OLFM1: variants seen among roughly 807,000 people sequenced by gnomAD.
OLFM1 encodes olfactomedin 1.
Under a neutral mutation model 49.7 loss-of-function variants are expected in OLFM1, and 9 were observed. That is an observed-to-expected ratio of 0.18 (90% confidence interval 0.11 to 0.32). OLFM1 has a LOEUF of 0.32. OLFM1 is among the 10% of genes least tolerant of loss of function. The pLI is 1.00. For missense variants in OLFM1, 369 were observed against 661.8 expected (o/e 0.56, Z 4.85); for synonymous variants, 240 against 271.8 (o/e 0.88, Z 1.15).
At chr9:135,076,995 C>T in intron 1 of OLFM1, 1 of 1,550,600 alleles carries the variant, frequency 6.4e-7, no homozygotes, top group Non-Finnish European at 8.7e-7. Context: ...TCCCGCTTAC[C>T]CTCAGAGCCC....
At chr9:135,092,820 G>A (rs571056294) in intron 2 of OLFM1, among the ~76,000 whole-genome samples, 49 of 152,234 alleles carry the variant, frequency 3.2e-4, no homozygotes, top group Non-Finnish European at 1.9e-4. Context: ...GAGGGCATGA[G>A]CCATTTGCTA....
At chr9:135,109,904 T>C in intron 5 of OLFM1, among the ~76,000 whole-genome samples, 1 of 152,128 alleles carries the variant, frequency 6.6e-6, no homozygotes, top group East Asian at 1.9e-4. Flanking sequence ...CTGAGCCAGC[T>C]TCAGGGCCTT....
Position 135,119,754 on chromosome 9 carries a change from ACCACTACGCCTGGGGTGG to A in OLFM1, c.1040_1057del (p.Tyr347_His352del). The A allele has an allele frequency of 6.2e-7, 1 of 1,614,040 alleles. No individual in the cohort carries two copies. The highest frequency in any genetic ancestry group is 8.5e-7 in the Non-Finnish European group (1 of 1,180,026). ...GACTATGCCGGTTACAACAACATGT[ACCACTACGCCTGGGGTGG>A]CCACTCGGACATCGACCTCATGGTG... is the stretch of plus-strand genomic sequence containing the variant. On this transcript the variant is annotated inframe_deletion, in exon 6 of 6. Coordinates refer to ENST00000371793, the MANE Select transcript of OLFM1 (RefSeq NM_001282611.2).
chr9:135,089,093 T>G (rs1040216851), intron 1 of OLFM1, among the ~76,000 whole-genome samples: 4 of 152,182 alleles, frequency 2.6e-5, no homozygotes, highest in Admixed American at 6.5e-5. Context: ...AGGGGTTTAG[T>G]GCCCTGCGAA....
Position 135,080,323 on chromosome 9 carries a change from G to A in OLFM1, c.96+4521G>A, listed in dbSNP as rs1209494122. On this transcript the variant is annotated intron_variant, in intron 1 of 5. Coordinates refer to the OLFM1 transcript ENST00000252854. This position sits in a 1 kb window ranked among gnomAD's most constrained non-coding sequence, Gnocchi z 4.5. ...CTGGGAGGATACAGTGTTTGTAGAA[G>A]GGGATGGAGTGCACGGGTAGGGGGA... Among the ~76,000 whole-genome samples, 1 of 152,100 alleles carries A rather than the reference G, an allele frequency of 6.6e-6. No homozygotes were observed. The highest frequency in any genetic ancestry group is 1.5e-5 in the Non-Finnish European group (1 of 68,036).
In OLFM1 at chr9:135,097,103, C is replaced by G. The variant is rs1369915733; in HGVS notation, c.456+1084C>G. Reference sequence around the variant, plus strand: ...CCCGACTAGAAACTGCTGGTGTACTCTGTCTCTGTCTTCCCGTCCTTTTTA... The same window carrying G: ...CCCGACTAGAAACTGCTGGTGTACTGTGTCTCTGTCTTCCCGTCCTTTTTA... On this transcript the variant is annotated intron_variant, in intron 3 of 5. Transcript: ENST00000371793. 2.6e-5 allele frequency among the ~76,000 whole-genome samples: 4 copies of G among 152,192 alleles called. No individual in the cohort carries two copies. In the East Asian group the frequency reaches 7.7e-4, roughly 29 times the overall value.
intron 5 of OLFM1, among the ~76,000 whole-genome samples, chr9:135,110,767 C>G (rs1831010531): frequency 6.6e-6 from 1 of 152,204 alleles, no homozygotes; most frequent in Non-Finnish European, 1.5e-5. Context: ...CCACCTCTTT[C>G]CCACCACCCA....
At chr9:135,087,540 A>G, upstream of OLFM1, 1 of 1,268,608 alleles carries the variant, frequency 7.9e-7, no homozygotes, top group Non-Finnish European at 1.0e-6. Flanking sequence ...CGCTGCCAGC[A>G]GCCAGGGGGC....
chr9:135,082,792 T>C (rs1462889615), upstream of OLFM1, among the ~76,000 whole-genome samples: 1 of 152,140 alleles, frequency 6.6e-6, no homozygotes, highest in East Asian at 1.9e-4. Context: ...AAACAGGAGA[T>C]TCTCCCAGGG....
intron 1 of OLFM1, chr9:135,076,803 C>A: frequency 6.5e-7 from 1 of 1,532,366 alleles, no homozygotes; most frequent in African/African-American, 1.4e-5. Flanking sequence ...CTTCCTCCAT[C>A]TCCCTCAGAA....
rs968939014 is a variant in OLFM1 at position 135,088,201 on chromosome 9, G to T, written c.150+62G>T. The T allele has an allele frequency of 8.2e-7, 1 of 1,226,754 alleles. No homozygotes were observed. Among genetic ancestry groups the T allele is most frequent in the Non-Finnish European group, 1.0e-6 (1 of 976,130 alleles). 76.0% of individuals were successfully genotyped at this position (1,226,754 alleles called of 1,614,324 possible). Reference sequence around the variant, plus strand: ...CCTCCTCCTCCTCCTCCCCCTCCTCGGTCCGGAGCCCCGGGCTGGGCGGGC... The same window carrying T: ...CCTCCTCCTCCTCCTCCCCCTCCTCTGTCCGGAGCCCCGGGCTGGGCGGGC... On this transcript the variant is annotated intron_variant, in intron 1 of 5. Transcript: ENST00000371793. This position sits in a 1 kb window ranked among gnomAD's most constrained non-coding sequence, Gnocchi z 4.8.
upstream of OLFM1, among the ~76,000 whole-genome samples, chr9:135,083,653 G>A (rs185255005): frequency 7.2e-5 from 11 of 152,318 alleles, no homozygotes; most frequent in Admixed American, 1.3e-4. Flanking sequence ...CAGGCCAGCC[G>A]TGCTCACAAA....
upstream of OLFM1, chr9:135,087,150 G>A (rs1384504213): frequency 8.8e-6 from 11 of 1,245,984 alleles, no homozygotes; most frequent in Non-Finnish European, 1.2e-5. Flanking sequence ...GCTCTCCACC[G>A]ATGCCCCGAC....
In OLFM1 at chr9:135,117,566, C is replaced by T. The variant is rs565546088; in HGVS notation, c.784-1938C>T. On this transcript the variant is annotated intron_variant, in intron 5 of 5. Coordinates refer to ENST00000371793, the MANE Select transcript of OLFM1 (RefSeq NM_001282611.2). The surrounding 1 kb of genome is among the most constrained non-coding windows in gnomAD (Gnocchi z 5.5). ...GCCTGGGGCTGTGAGCATTTGCCCT[C>T]GGCTAGGCCAGGTGGCTGTGCCCCT... Among the ~76,000 whole-genome samples, 3 of 152,330 alleles carry T rather than the reference C, an allele frequency of 2.0e-5. No individual in the cohort carries two copies. The highest frequency in any genetic ancestry group is 3.9e-4 in the East Asian group (2 of 5,176).
chr9:135,119,675 A>G lies in OLFM1; in HGVS notation c.955A>G (p.Ile319Val). ...CTACTTCAACAAGTTCCAGAGCCAC[A>G]TCATCATCAGGTTTGACCTGAAGAC... is the stretch of plus-strand genomic sequence containing the variant. ...SIYFNKFQSH[I>V]IIRFDLKTET... Residue 319 changes from isoleucine to valine, a missense_variant, in exon 6 of 6, where the codon ATC (isoleucine) becomes GTC (valine). Ile to Val is a conservative substitution (Grantham distance 29). This residue lies in a region of OLFM1 where 294 missense variants were observed against 567.5 expected (regional missense o/e 0.52). Transcript: ENST00000371793. 1.2e-6 allele frequency: 2 copies of G among 1,614,184 alleles called. No homozygotes were observed. The highest frequency in any genetic ancestry group is 1.7e-6 in the Non-Finnish European group (2 of 1,180,032).
intron 4 of OLFM1, among the ~76,000 whole-genome samples, chr9:135,102,485 C>T (rs78912003): frequency 6.6e-5 from 10 of 152,166 alleles, no homozygotes; most frequent in Admixed American, 1.3e-4. Context: ...GAGTGGGGCC[C>T]GGGCGGCCAG....
rs1222012665 is a variant in OLFM1, at chr9:135,098,352, G to A, written c.523G>A (p.Ala175Thr). The change falls in exon 4 of 6, where the codon GCC becomes ACC. Residue 175 changes from alanine to threonine, a missense_variant. Coordinates refer to ENST00000371793, the MANE Select transcript of OLFM1 (RefSeq NM_001282611.2). The surrounding 1 kb of genome is among the most constrained non-coding windows in gnomAD (Gnocchi z 5.6). ...TGTGTTGGAAGAGTACAAGGCCGAT[G>A]CCAAATTGGTATTGCAGTTTAAAGA... ...IPVLEEYKAD[A>T]KLVLQFKEEV... is the part of the protein sequence containing the mutation. 14 of 1,613,950 alleles carry A rather than the reference G, an allele frequency of 8.7e-6. No individual in the cohort carries two copies. Among genetic ancestry groups the A allele is most frequent in the Non-Finnish European group, 1.2e-5 (14 of 1,180,032 alleles).
chr9:135,099,602 A>G (rs1319657309), intron 4 of OLFM1, among the ~76,000 whole-genome samples: 2 of 152,210 alleles, frequency 1.3e-5, no homozygotes, highest in South Asian at 2.1e-4. Flanking sequence ...ACGCTCTTCT[A>G]GGTGTCCTCA....
chr9:135,098,214 G>A lies in OLFM1; in HGVS notation c.457-72G>A. The stretch of plus-strand genomic sequence containing the variant: ...ATACACACTTTCCCTCACCTAGGGA[G>A]AAGCCAGGCCAAGGCAGGGTGTGAG... On this transcript the variant is annotated intron_variant, in intron 3 of 5. Transcript: ENST00000371793. The surrounding 1 kb of genome is among the most constrained non-coding windows in gnomAD (Gnocchi z 5.6). 1 of 1,560,770 alleles carries A rather than the reference G, an allele frequency of 6.4e-7. No individual in the cohort carries two copies. Among genetic ancestry groups the A allele is most frequent in the South Asian group, 1.2e-5 (1 of 86,186 alleles).
Sources: gnomAD v4.1 joint callset for allele counts (sites outside exome capture counted in the v4.1 genomes callset) on GRCh38, gnomAD v4.1.1 for gene constraint, gnomAD v4.1.1 regional missense constraint, Gnocchi (gnomAD v3.1) non-coding constraint, MANE v1.5 for transcripts, NCBI Gene and HGNC (gene_info 2026-07-23, HGNC 2026-07-21) for gene names.